ANO1: variants seen among roughly 807,000 people sequenced by gnomAD.
ANO1 encodes the protein anoctamin-1.
ANO1 carries 59 observed loss-of-function variants against 124.0 expected under a neutral mutation model. That is an observed-to-expected ratio of 0.48 (90% CI 0.39 to 0.59). The LOEUF (loss-of-function observed/expected upper bound fraction) is 0.59. Ranked by LOEUF, ANO1 falls within the 20% of genes least tolerant of loss-of-function variation. The pLI, the probability that ANO1 is intolerant of heterozygous loss-of-function variation, is 0.00. For missense variants in ANO1, 1,059 were observed against 1,328.0 expected, an observed-to-expected ratio of 0.80 and a Z score of 3.15; for synonymous variants, 529 against 532.0, an observed-to-expected ratio of 0.99 and a Z score of 0.08.
At chr11:70,128,631 G>A (rs1017848033) in intron 10 of ANO1, among the ~76,000 whole-genome samples, 4 of 152,156 alleles carry the variant, frequency 2.6e-5, no homozygotes, top group East Asian at 1.9e-4. Context: ...GGAGCGAAGC[G>A]GGAGGTGCGT....
At position 70,085,630 on chromosome 11, in the gene ANO1, G is replaced by A. The variant is rs1276669014; in HGVS notation, c.109-2122G>A. ...TGGCCCCAACTGTCCCCTAACCAGG[G>A]GTAGAGGAGTCTAGACCCTTGACAT... On this transcript the variant is annotated intron_variant, in intron 1 of 25. Transcript: ENST00000355303. 8 of 1,533,406 alleles carry A rather than the reference G, an allele frequency of 5.2e-6. No homozygotes were observed. In the African/African-American group the frequency reaches 8.2e-5, roughly 16 times the overall value. The allele number at this position is 1,533,406 out of a possible 1,614,324, so 95.0% of individuals were successfully genotyped here.
At chr11:70,152,522 T>G in intron 13 of ANO1, 61 bp downstream of exon 13, 3 of 1,566,496 alleles carry the variant, frequency 1.9e-6, no homozygotes, top group Non-Finnish European at 2.6e-6. Context: ...GAGAGGGACC[T>G]TCTCTTGCAC....
At chr11:70,108,180 G>A (rs754443673) in intron 5 of ANO1, 173 bp from the exon 6 acceptor site, 81 of 553,844 alleles carry the variant, frequency 1.5e-4, no homozygotes, top group Middle Eastern at 8.1e-4. Context: ...TTGAGAATCC[G>A]GAGCTGGGTC....
At chr11:69,988,724 T>TTATTAA (rs1856095115) in intron 1 of ANO1, among the ~76,000 whole-genome samples, 1 of 152,156 alleles carries the variant, frequency 6.6e-6, no homozygotes, top group Non-Finnish European at 1.5e-5. Flanking sequence ...ACGCTTGTGG[T>TTATTAA]CTGAACCTCC....
At chr11:70,018,272 T>C (rs538256513) in intron 1 of ANO1, 1 of 152,414 alleles carries the variant, frequency 6.6e-6, no homozygotes, top group South Asian at 2.1e-4. Flanking sequence ...TGGAAGGATC[T>C]CTTGAGTCCA....
chr11:70,102,886 C>G (rs2045332463), intron 2 of ANO1, among the ~76,000 whole-genome samples, 180 bp from the exon 3 acceptor site: 1 of 152,204 alleles, frequency 6.6e-6, no homozygotes, highest in Non-Finnish European at 1.5e-5. Flanking sequence ...TTCCTCCCAC[C>G]TTCTGCTAAA....
chr11:69,977,691 G>C, the ANO1 span, among the ~76,000 whole-genome samples: 9 of 152,332 alleles, frequency 5.9e-5, no homozygotes, highest in Non-Finnish European at 8.8e-5. Flanking sequence ...CTTACCCTCT[G>C]ATTTCAAGGA....
intron 4 of ANO1, among the ~76,000 whole-genome samples, chr11:70,104,475 T>G (rs2515255): frequency 0.71 from 108,158 of 151,788 alleles, 39,025 homozygotes; most frequent in Middle Eastern, 0.8. Context: ...CCCCCTCCAG[T>G]GTCTGGCCAA....
chr11:70,058,496 C>T (rs1016046616), intron 1 of ANO1, among the ~76,000 whole-genome samples: 31 of 152,180 alleles, frequency 2.0e-4, no homozygotes, highest in Non-Finnish European at 1.0e-4. Context: ...GCGATGCTAG[C>T]AGAGAAGTTA....
At chr11:70,103,238 T>C (rs2045348784) in intron 3 of ANO1, 74 bp downstream of exon 3, 1 of 1,233,126 alleles carries the variant, frequency 8.1e-7, no homozygotes, top group East Asian at 2.5e-5. Context: ...CAGTGAAACA[T>C]GCCGACCTCG....
chr11:70,149,960 C>A (rs1260894361), intron 12 of ANO1, 168 bp downstream of exon 12: 3 of 725,100 alleles, frequency 4.1e-6, no homozygotes, highest in African/African-American at 1.7e-5. Context: ...CCACTCAACA[C>A]CCTGGCGTTC....
chr11:70,152,058 C>T (rs10898819), intron 12 of ANO1, among the ~76,000 whole-genome samples: 9 of 151,970 alleles, frequency 5.9e-5, no homozygotes, highest in Non-Finnish European at 1.0e-4. Flanking sequence ...TCTTTAGGAC[C>T]GGGCGCGGTG....
chr11:70,157,054 CAG>C lies in ANO1; in HGVS notation c.1578+34_1578+35del, dbSNP rs563682787. On this transcript the variant is annotated intron_variant, in intron 16 of 25. Coordinates refer to ENST00000355303, the MANE Select transcript of ANO1 (RefSeq NM_018043.7). ...CCAGAAGGTTAAGGCCAGACGAAGT[CAG>C]GGGAAACCGCAAGGAAGTGATTGGC... is the stretch of plus-strand genomic sequence containing the variant. The C allele has an allele frequency of 8.2e-6, 13 of 1,586,976 alleles. No individual in the cohort carries two copies. The South Asian group carries it at 1.4e-4, about 17-fold the overall frequency.
At chr11:70,053,393 C>T (rs12418125) in intron 1 of ANO1, among the ~76,000 whole-genome samples, 6,879 of 152,268 alleles carry the variant, frequency 0.045, 293 homozygotes, top group Admixed American at 0.12. Context: ...TACTATTTAA[C>T]ATGCCATTTG....
At chr11:70,177,465 A>G (rs2048747776) in intron 22 of ANO1, among the ~76,000 whole-genome samples, 1 of 152,138 alleles carries the variant, frequency 6.6e-6, no homozygotes, top group Non-Finnish European at 1.5e-5. Flanking sequence ...CACAGACAGC[A>G]GAGCTGCGGT....
At chr11:70,050,668 C>T (rs1332125868) in intron 1 of ANO1, among the ~76,000 whole-genome samples, 2 of 152,172 alleles carry the variant, frequency 1.3e-5, no homozygotes, top group Non-Finnish European at 2.9e-5. Flanking sequence ...CCTGAAGGCA[C>T]CTCACAAATG....
intron 2 of ANO1, among the ~76,000 whole-genome samples, chr11:70,091,035 G>A (rs1213293695): frequency 2.0e-5 from 3 of 152,206 alleles, no homozygotes; most frequent in Admixed American, 1.3e-4. Flanking sequence ...GATGGTTTGG[G>A]CGGCCTGTTC....
chr11:70,152,553 A>G, intron 13 of ANO1, 92 bp downstream of exon 13: 1 of 1,416,996 alleles, frequency 7.1e-7, no homozygotes. Flanking sequence ...TCTACCACGC[A>G]GTTCCCGCAG....
intron 2 of ANO1, among the ~76,000 whole-genome samples, chr11:70,093,507 A>G (rs1289493048): frequency 6.6e-6 from 1 of 152,194 alleles, no homozygotes; most frequent in Non-Finnish European, 1.5e-5. Flanking sequence ...GGAGAACGCC[A>G]CACACTAAAC....
Sources: gnomAD v4.1 joint callset for allele counts (sites outside exome capture counted in the v4.1 genomes callset) on GRCh38, gnomAD v4.1.1 for gene constraint, MANE v1.5 for transcripts, NCBI Gene and HGNC (gene_info 2026-07-23, HGNC 2026-07-21) for gene names.